The following AK3 variants were observed in gnomAD, a reference collection of about 807,000 sequenced individuals.
AK3 encodes adenylate kinase 3.
In AK3, 27 loss-of-function variants were observed where a neutral mutation model predicts 23.7. The observed-to-expected ratio is 1.14, with a 90% CI of 0.84 to 1.57. AK3 has a LOEUF of 1.57. AK3 is among the 40% of genes most tolerant of loss of function. The probability of loss-of-function intolerance (pLI) is 0.00; values close to 1 mark genes in which losing one functional copy is unlikely to be tolerated. For synonymous variants in AK3, 159 were observed against 116.0 expected (o/e 1.37, Z -2.38); for missense variants, 406 against 285.6 (o/e 1.42, Z -3.04).
rs886064764 is a variant in AK3 at position 4,737,920 on chromosome 9, A to T, written c.151+3017T>A. On this transcript the variant is annotated intron_variant, in intron 1 of 4. Coordinates refer to ENST00000381809, the MANE Select transcript of AK3 (RefSeq NM_016282.4). ...TAGCTATAAAATACAGCCATGGGTT[A>T]TAAAATATAGCACCCTCATGAAACA... Among the ~76,000 whole-genome samples, 5 of 152,316 alleles carry T rather than the reference A, an allele frequency of 3.3e-5. 1 individual carries two copies. In the East Asian group the frequency reaches 5.8e-4, roughly 18 times the overall value.
At chr9:4,721,087 C>A (rs1379566225) in intron 2 of AK3, among the ~76,000 whole-genome samples, 5 of 152,128 alleles carry the variant, frequency 3.3e-5, no homozygotes, top group African/African-American at 1.2e-4. Context: ...GAATTCTGAA[C>A]CATGCAACAT....
intron 1 of AK3, among the ~76,000 whole-genome samples, chr9:4,734,155 T>C (rs538818384): frequency 1.2e-4 from 19 of 152,204 alleles, no homozygotes; most frequent in Admixed American, 5.9e-4. Flanking sequence ...CTGGTGTCTT[T>C]ATAAGAGGAG....
chr9:4,740,911 G>A (rs529221670), intron 1 of AK3, 26 bp downstream of exon 1: 11 of 1,506,576 alleles, frequency 7.3e-6, no homozygotes, highest in Non-Finnish European at 8.9e-6. Flanking sequence ...ACAGCGCACG[G>A]CCGGCCCTGG....
intron 1 of AK3, among the ~76,000 whole-genome samples, chr9:4,737,535 T>A (rs578161274): frequency 8.9e-4 from 135 of 152,236 alleles, no homozygotes; most frequent in African/African-American, 3.2e-3. Flanking sequence ...AGCCTGCCAA[T>A]ACGGCAAAAC....
In AK3 at chr9:4,738,457, C is replaced by T. The variant is rs181361529; in HGVS notation, c.151+2480G>A. Among the ~76,000 whole-genome samples the T allele has an allele frequency of 3.2e-4, 49 of 152,198 alleles. 1 individual carries two copies. The East Asian group carries it at 6.2e-3, about 19-fold the overall frequency. On this transcript the variant is annotated intron_variant, in intron 1 of 4. Coordinates refer to ENST00000381809, the MANE Select transcript of AK3 (RefSeq NM_016282.4). Reference sequence around the variant, plus strand: ...CTAGGATTACAGGCGTGAGACACCCCGCCCAGCTTAAACATCATTTTTAAG... The same window carrying T: ...CTAGGATTACAGGCGTGAGACACCCTGCCCAGCTTAAACATCATTTTTAAG...
Position 4,728,880 on chromosome 9 carries a change from C to CATACAT in AK3, c.152-6256_152-6255insATGTAT, listed in dbSNP as rs367780035. Among the ~76,000 whole-genome samples, 363 of 97,626 alleles carry CATACAT rather than the reference C, an allele frequency of 3.7e-3. 2 individuals are homozygous for CATACAT. Among genetic ancestry groups the CATACAT allele is most frequent in the Middle Eastern group, 0.022 (4 of 182 alleles). 64.0% of individuals were successfully genotyped at this position (97,626 alleles called of 152,430 possible). A position where few individuals can be genotyped will look rare whatever the true frequency, so the allele number is the denominator to read the frequency against. Reference sequence around the variant, plus strand: ...ATATATATATATACACACACACACACACATACATATATATACACATACTTA... The same window carrying CATACAT: ...ATATATATATATACACACACACACACATACATACATACATATATATACACATACTTA... On this transcript the variant is annotated intron_variant, in intron 1 of 4. Transcript: ENST00000381809.
At chr9:4,716,290 C>A (rs1030412392) in intron 4 of AK3, among the ~76,000 whole-genome samples, 1 of 152,176 alleles carries the variant, frequency 6.6e-6, no homozygotes, top group South Asian at 2.1e-4. Context: ...TGGAGCCTGA[C>A]AGGGACTGGA....
rs1187601043 is a variant in AK3, at chr9:4,741,170, GC to G, written c.-84del. On this transcript the variant is annotated 5_prime_UTR_variant, in exon 1 of 5. Transcript: ENST00000381809. ...CTCACCCGCTCGGCAGCCTGCGCCG[GC>G]CGGCTAGCAGCGCCACTAGCAGGCG... 2 of 1,306,718 alleles carry G rather than the reference GC, an allele frequency of 1.5e-6. No homozygotes were observed. Among genetic ancestry groups the G allele is most frequent in the Non-Finnish European group, 2.0e-6 (2 of 1,020,996 alleles). 80.9% of individuals were successfully genotyped at this position (1,306,718 alleles called of 1,614,324 possible).
In AK3 at chr9:4,721,289, G is replaced by A. The variant is rs538598858; in HGVS notation, c.271+1217C>T. On this transcript the variant is annotated intron_variant, in intron 2 of 4. Transcript: ENST00000381809. The stretch of plus-strand genomic sequence containing the variant: ...GTGCTGGTGGGCACCTGTAATCCCA[G>A]CTACTCAGGAGGCTGAGGCAGGAGA... Among the ~76,000 whole-genome samples the A allele has an allele frequency of 9.9e-5, 15 of 151,836 alleles. No individual in the cohort carries two copies. The East Asian group carries it at 2.6e-3, about 26-fold the overall frequency.
Position 4,740,576 on chromosome 9 carries a change from A to T in AK3, c.151+361T>A, listed in dbSNP as rs568733015. ...AGCAGGGCTAATGACAGTCTTCCAA[A>T]GGCACCAGCACGTTGAACAAGCTGC... On this transcript the variant is annotated intron_variant, in intron 1 of 4. Coordinates refer to ENST00000381809, the MANE Select transcript of AK3 (RefSeq NM_016282.4). Among the ~76,000 whole-genome samples the T allele has an allele frequency of 1.2e-4, 19 of 152,338 alleles. No individual in the cohort carries two copies. In the South Asian group the frequency reaches 2.7e-3, roughly 22 times the overall value.
At chr9:4,721,406 T>TAAA (rs770712533) in intron 2 of AK3, among the ~76,000 whole-genome samples, 11 of 117,180 alleles carry the variant, frequency 9.4e-5, no homozygotes, top group Admixed American at 2.5e-4. Flanking sequence ...CTGTCTCCAT[T>TAAA]AAAAAAAAAA....
intron 1 of AK3, among the ~76,000 whole-genome samples, chr9:4,732,161 C>G (rs547093335): frequency 6.6e-6 from 1 of 152,136 alleles, no homozygotes; most frequent in South Asian, 2.1e-4. Flanking sequence ...TTTGCCCAAG[C>G]TGGTCTTGAA....
chr9:4,741,316 GACCGAGCGCC>G, upstream of AK3: 1 of 407,738 alleles, frequency 2.5e-6, no homozygotes, highest in Non-Finnish European at 4.1e-6. Flanking sequence ...CCCCGCCCCC[GACCGAGCGCC>G]TGTTCCCGCC....
chr9:4,738,966 G>A (rs950138221), intron 1 of AK3, among the ~76,000 whole-genome samples: 6 of 151,714 alleles, frequency 4.0e-5, no homozygotes, highest in African/African-American at 9.7e-5. Context: ...AGAGACGGGG[G>A]TTTCGTCATG....
chr9:4,724,962 A>AT (rs1380766486), intron 1 of AK3, among the ~76,000 whole-genome samples: 1 of 152,092 alleles, frequency 6.6e-6, no homozygotes, highest in African/African-American at 2.4e-5. Flanking sequence ...TCTACCATGC[A>AT]TAAAAATTAA....
chr9:4,711,711 C>T lies in AK3; in HGVS notation c.*1265G>A, dbSNP rs1230651399. On this transcript the variant is annotated 3_prime_UTR_variant, in exon 5 of 5. Transcript: ENST00000381809. ...TTTTCCTCCATCTCTCATATTTCCC[C>T]ACTTCTACCAGACCACACAGTACAT... The T allele has an allele frequency of 1.3e-5, 2 of 152,180 alleles. No homozygotes were observed. The highest frequency in any genetic ancestry group is 2.4e-5 in the African/African-American group (1 of 41,442). The allele number at this position is 152,180 out of a possible 1,614,324, so 9.4% of individuals were successfully genotyped here. A position where few individuals can be genotyped will look rare whatever the true frequency, so the allele number is the denominator to read the frequency against.
Position 4,714,069 on chromosome 9 carries a change from C to CATATACAG in AK3, c.564-974_564-973insCTGTATAT, listed in dbSNP as rs1397076179. Among the ~76,000 whole-genome samples the CATATACAG allele has an allele frequency of 1.3e-4, 18 of 134,138 alleles. 2 individuals are homozygous for CATATACAG. The highest frequency in any genetic ancestry group is 1.8e-4 in the Non-Finnish European group (11 of 62,144). The allele number at this position is 134,138 out of a possible 152,430, so 88.0% of individuals were successfully genotyped here. A position where few individuals can be genotyped will look rare whatever the true frequency, so the allele number is the denominator to read the frequency against. Reference sequence around the variant, plus strand: ...ACATATACACCTACACATATACACACCTACACATATACACACCTACACATA... The same window carrying CATATACAG: ...ACATATACACCTACACATATACACACATATACAGCTACACATATACACACCTACACATA... On this transcript the variant is annotated intron_variant, in intron 4 of 4. Transcript: ENST00000381809.
chr9:4,736,166 G>A (rs1483402780), intron 1 of AK3, among the ~76,000 whole-genome samples: 1 of 150,912 alleles, frequency 6.6e-6, no homozygotes, highest in Non-Finnish European at 1.5e-5. Context: ...ACAACTCTGT[G>A]AATATATTAA....
rs1841537161 is a variant in AK3, at chr9:4,710,663, A to G, written c.*2313T>C. 6.6e-6 allele frequency: 1 copy of G among 152,176 alleles called. No individual in the cohort carries two copies. The highest frequency in any genetic ancestry group is 2.4e-5 in the African/African-American group (1 of 41,438). 9.4% of individuals were successfully genotyped at this position (152,176 alleles called of 1,614,324 possible). A position where few individuals can be genotyped will look rare whatever the true frequency, so the allele number is the denominator to read the frequency against. ...GGTGGGGGCAGTGGCTTACACCTGT[A>G]ATCTCAGCACTTGGGAAGCTGAATC... On this transcript the variant is annotated 3_prime_UTR_variant, in exon 5 of 5. Coordinates refer to ENST00000381809, the MANE Select transcript of AK3 (RefSeq NM_016282.4).
Sources: gnomAD v4.1 joint callset for allele counts (sites outside exome capture counted in the v4.1 genomes callset) on GRCh38, gnomAD v4.1.1 for gene constraint, MANE v1.5 for transcripts, NCBI Gene and HGNC (gene_info 2026-07-23, HGNC 2026-07-21) for gene names.